JMJD1C: variants seen among roughly 807,000 people sequenced by gnomAD.
JMJD1C encodes jumonji domain containing 1C, also known as jumonji domain-containing protein 1C.
Under a neutral mutation model 245.3 loss-of-function variants are expected in JMJD1C, and 31 were observed. The observed-to-expected ratio is 0.13, with a 90% CI of 0.09 to 0.17. The LOEUF is 0.17. Ranked by LOEUF, JMJD1C falls within the 10% of genes least tolerant of loss-of-function variation. JMJD1C has a pLI of 1.00. For missense variants in JMJD1C, 2,691 were observed against 3,000.2 expected, an observed-to-expected ratio of 0.90 and a Z score of 2.41; for synonymous variants, 1,057 against 1,017.4, an observed-to-expected ratio of 1.04 and a Z score of -0.74.
chr10:63,337,470 GGA>G (rs1299254995), intron 2 of JMJD1C, among the ~76,000 whole-genome samples: 1 of 56,628 alleles, frequency 1.8e-5, no homozygotes, highest in African/African-American at 8.9e-5. Flanking sequence ...GGGGGGGGAG[GGA>G]GAGAGAGAGG....
intron 1 of JMJD1C, among the ~76,000 whole-genome samples, chr10:63,489,015 A>C (rs1954084163): frequency 6.6e-6 from 1 of 152,244 alleles, no homozygotes; most frequent in African/African-American, 2.4e-5. Flanking sequence ...ATGATGTCAT[A>C]GCTGGCATTA....
intron 2 of JMJD1C, among the ~76,000 whole-genome samples, chr10:63,338,138 T>C (rs1046991810): frequency 1.3e-5 from 2 of 152,160 alleles, no homozygotes; most frequent in Non-Finnish European, 2.9e-5. Context: ...TAAATCTGAA[T>C]ATCATCAGTT....
At chr10:63,180,291 G>A (rs1197613605) in intron 22 of JMJD1C, among the ~76,000 whole-genome samples, 3 of 152,300 alleles carry the variant, frequency 2.0e-5, no homozygotes, top group East Asian at 1.9e-4. Flanking sequence ...GATTACAGGC[G>A]TGAGCCACTG....
chr10:63,509,370 G>A (rs1172555661), intron 1 of JMJD1C, among the ~76,000 whole-genome samples: 7 of 152,188 alleles, frequency 4.6e-5, no homozygotes. Flanking sequence ...AGAGATGTTA[G>A]TATGTACTTG....
At chr10:63,482,907 TTTGC>T (rs1280486540) in intron 1 of JMJD1C, among the ~76,000 whole-genome samples, 4 of 152,212 alleles carry the variant, frequency 2.6e-5, no homozygotes, top group Non-Finnish European at 5.9e-5. Context: ...TAACAGCCCG[TTTGC>T]TTTTTTAAGA....
At chr10:63,364,670 A>C (rs1355390487) in intron 2 of JMJD1C, among the ~76,000 whole-genome samples, 2 of 152,024 alleles carry the variant, frequency 1.3e-5, no homozygotes, top group Non-Finnish European at 2.9e-5. Flanking sequence ...TATTTTTTGT[A>C]GAGATGGGGT....
At chr10:63,337,626 A>AAAGAG (rs1942963824) in intron 2 of JMJD1C, among the ~76,000 whole-genome samples, 1 of 148,020 alleles carries the variant, frequency 6.8e-6, no homozygotes, top group Non-Finnish European at 1.5e-5. Flanking sequence ...AAGAAAAGAA[A>AAAGAG]AAGAAAAGAA....
At chr10:63,309,712 T>C (rs1443985401) in intron 2 of JMJD1C, among the ~76,000 whole-genome samples, 3 of 151,706 alleles carry the variant, frequency 2.0e-5, no homozygotes, top group East Asian at 1.9e-4. Context: ...AGGTCTGGAG[T>C]TCGAGACCAG....
chr10:63,390,066 A>T (rs1947931796), intron 1 of JMJD1C, among the ~76,000 whole-genome samples: 2 of 152,198 alleles, frequency 1.3e-5, no homozygotes, highest in Non-Finnish European at 2.9e-5. Context: ...ACAGATACTA[A>T]CAAAATACAA....
At chr10:63,268,868 G>A in intron 2 of JMJD1C, 1 of 985,698 alleles carries the variant, frequency 1.0e-6, no homozygotes, top group Non-Finnish European at 1.2e-6. Context: ...TGTATAGGAA[G>A]AAAAGCCAAG....
At chr10:63,331,084 G>T (rs958676838) in intron 2 of JMJD1C, among the ~76,000 whole-genome samples, 1 of 151,946 alleles carries the variant, frequency 6.6e-6, no homozygotes, top group Admixed American at 6.6e-5. Flanking sequence ...TCTAAAATAC[G>T]TACTATCAAT....
chr10:63,323,530 G>C (rs567880432), intron 2 of JMJD1C, among the ~76,000 whole-genome samples: 3 of 152,054 alleles, frequency 2.0e-5, no homozygotes, highest in Admixed American at 6.6e-5. Flanking sequence ...AAAAAGAAAG[G>C]GGGGAAAGAA....
At chr10:63,243,854 T>G (rs956355256) in intron 3 of JMJD1C, among the ~76,000 whole-genome samples, 5 of 152,036 alleles carry the variant, frequency 3.3e-5, no homozygotes, top group African/African-American at 9.7e-5. Context: ...GAATTGGACT[T>G]TCTATTTATT....
intron 2 of JMJD1C, among the ~76,000 whole-genome samples, chr10:63,328,837 C>T (rs557592785): frequency 6.6e-6 from 1 of 152,224 alleles, no homozygotes; most frequent in South Asian, 2.1e-4. Context: ...TTATTTGGGA[C>T]ATTTATTCTA....
chr10:63,217,249 A>AT lies in JMJD1C; in HGVS notation c.635dup (p.His212GlnfsTer3), dbSNP rs1170935374. On this transcript the variant is annotated frameshift_variant, in exon 5 of 26. Coordinates refer to ENST00000399262, the MANE Select transcript of JMJD1C (RefSeq NM_032776.3). LOFTEE classifies it high-confidence loss of function. ...TCATGGTGCGGGTGAAGAGATCATGATGAGTAATTATGCCAGTAAACCACT... is the reference window on the plus strand; with the variant it reads ...TCATGGTGCGGGTGAAGAGATCATGATTGAGTAATTATGCCAGTAAACCACT... 1 of 1,612,324 alleles carries AT rather than the reference A, an allele frequency of 6.2e-7. No individual in the cohort carries two copies. Among genetic ancestry groups the AT allele is most frequent in the Non-Finnish European group, 8.5e-7 (1 of 1,178,870 alleles).
At chr10:63,375,639 CTCCTGGG>C (rs776675102) in intron 2 of JMJD1C, among the ~76,000 whole-genome samples, 2 of 152,062 alleles carry the variant, frequency 1.3e-5, no homozygotes, top group Non-Finnish European at 2.9e-5. Flanking sequence ...CAGCCATGAA[CTCCTGGG>C]CTTATGCAAT....
intron 1 of JMJD1C, among the ~76,000 whole-genome samples, chr10:63,509,577 C>T (rs1156775000): frequency 6.6e-6 from 1 of 152,200 alleles, no homozygotes; most frequent in Non-Finnish European, 1.5e-5. Context: ...GTAGATTCAG[C>T]TTCTTTGCTA....
At chr10:63,484,187 G>GGGATGGAT (rs375305760) in intron 1 of JMJD1C, among the ~76,000 whole-genome samples, 45 of 144,812 alleles carry the variant, frequency 3.1e-4, no homozygotes, top group African/African-American at 1.1e-3. Context: ...CCAGCACCTT[G>GGGATGGAT]GGATGGATGG....
chr10:63,323,963 A>G lies in JMJD1C; in HGVS notation c.333+56355T>C, dbSNP rs539203493. ...TTGGTTCAAGTCTGAAAAATGAAGA[A>G]CCAGGAGCACCCACATCTGAAAGCA... On this transcript the variant is annotated intron_variant, in intron 2 of 25. Coordinates refer to ENST00000399262, the MANE Select transcript of JMJD1C (RefSeq NM_032776.3). Among the ~76,000 whole-genome samples, 395 of 151,908 alleles carry G rather than the reference A, an allele frequency of 2.6e-3. 1 individual carries two copies. The highest frequency in any genetic ancestry group is 3.9e-3 in the Non-Finnish European group (266 of 67,980).
Sources: gnomAD v4.1 joint callset for allele counts (sites outside exome capture counted in the v4.1 genomes callset) on GRCh38, gnomAD v4.1.1 for gene constraint, MANE v1.5 for transcripts, NCBI Gene and HGNC (gene_info 2026-07-23, HGNC 2026-07-21) for gene names.